Variants in VPS8 observed in about 807,000 individuals in gnomAD.
VPS8 encodes VPS8 subunit of CORVET complex, also known as vacuolar protein sorting-associated protein 8 homolog.
VPS8 carries 129 observed loss-of-function variants against 216.4 expected under a neutral mutation model. That is an observed-to-expected ratio of 0.60 (90% CI 0.52 to 0.69). The LOEUF is 0.69. Among genes scored for constraint, VPS8 ranks in the 30% least tolerant of loss-of-function variants. The pLI, the probability that VPS8 is intolerant of heterozygous loss-of-function variation, is 0.00. For missense variants in VPS8, 1,531 were observed against 1,683.5 expected (o/e 0.91, Z 1.59); for synonymous variants, 571 against 565.4 (o/e 1.01, Z -0.14).
intron 36 of VPS8, among the ~76,000 whole-genome samples, chr3:184,945,967 A>G (rs1008990139): frequency 6.6e-6 from 1 of 152,204 alleles, no homozygotes; most frequent in Non-Finnish European, 1.5e-5. Context: ...CCACAGGACC[A>G]CTTTAGTCAT....
chr3:184,944,685 C>A, intron 36 of VPS8: 1 of 669,980 alleles, frequency 1.5e-6, no homozygotes, highest in South Asian at 6.7e-5. Context: ...GCCTCTGAAA[C>A]ATATAGTATG....
chr3:184,866,854 T>G (rs777428529), intron 16 of VPS8, 22 bp from the exon 17 acceptor site: 1 of 1,601,332 alleles, frequency 6.2e-7, no homozygotes, highest in South Asian at 1.1e-5. Context: ...TTACCTTTTT[T>G]GTATGTATGT....
intron 3 of VPS8, among the ~76,000 whole-genome samples, chr3:184,828,595 T>C (rs890254872): frequency 2.6e-5 from 4 of 152,202 alleles, no homozygotes; most frequent in African/African-American, 7.2e-5. Context: ...ATAACCTTTT[T>C]CCCCTATTTC....
chr3:184,956,876 A>T (rs997198869), intron 36 of VPS8, among the ~76,000 whole-genome samples: 1 of 152,210 alleles, frequency 6.6e-6, no homozygotes, highest in Non-Finnish European at 1.5e-5. Flanking sequence ...AGCTTCAAAA[A>T]TTTACTACTG....
At chr3:184,921,989 G>C (rs1333247602) in intron 29 of VPS8, among the ~76,000 whole-genome samples, 4 of 152,072 alleles carry the variant, frequency 2.6e-5, no homozygotes, top group Non-Finnish European at 5.9e-5. Flanking sequence ...GTCCTGACTA[G>C]GTCTCTATAA....
In VPS8 at chr3:184,820,308, C is replaced by T. The variant is rs1252811631; in HGVS notation, c.-88-4237C>T. Among the ~76,000 whole-genome samples, 4 of 152,288 alleles carry T rather than the reference C, an allele frequency of 2.6e-5. No homozygotes were observed. The East Asian group carries it at 7.7e-4, about 29-fold the overall frequency. On this transcript the variant is annotated intron_variant, in intron 1 of 47. Coordinates refer to ENST00000625842, the MANE Select transcript of VPS8 (RefSeq NM_001009921.3). Reference sequence around the variant, plus strand: ...TTTCGCAGCTTCTAGAGGCTGCCTGCATCCTTGGCTCCTGAGCCCTGTTCT... The same window carrying T: ...TTTCGCAGCTTCTAGAGGCTGCCTGTATCCTTGGCTCCTGAGCCCTGTTCT...
chr3:185,051,867 C>T lies in VPS8; in HGVS notation c.4138-9C>T, dbSNP rs1031013909. ...CAAACCTTAGCTGATGTGTGTCCTT[C>T]CTTTGCAGCTGGCTCTCCTCACGGA... On this transcript the variant is annotated splice_polypyrimidine_tract_variant and intron_variant, in intron 47 of 47. Transcript: ENST00000625842. 8.2e-6 allele frequency: 13 copies of T among 1,590,050 alleles called. No homozygotes were observed. In the Admixed American group the frequency reaches 1.9e-4, roughly 23 times the overall value.
At chr3:184,879,380 C>T (rs1297293926) in intron 21 of VPS8, among the ~76,000 whole-genome samples, 1 of 151,818 alleles carries the variant, frequency 6.6e-6, no homozygotes, top group African/African-American at 2.4e-5. Flanking sequence ...ATTTTGGAGA[C>T]CCCAAATTCA....
chr3:184,982,093 T>C (rs901688614), intron 40 of VPS8, among the ~76,000 whole-genome samples: 2 of 152,150 alleles, frequency 1.3e-5, no homozygotes, highest in African/African-American at 2.4e-5. Flanking sequence ...TAACCTTTAC[T>C]CATTTTTCTT....
intron 22 of VPS8, among the ~76,000 whole-genome samples, chr3:184,889,971 A>C (rs1732041534): frequency 6.6e-6 from 1 of 152,170 alleles, no homozygotes; most frequent in Admixed American, 6.5e-5. Context: ...CAAGAATTCT[A>C]TGTTTAATTA....
chr3:184,828,616 A>G (rs1719325704), intron 3 of VPS8, among the ~76,000 whole-genome samples: 1 of 152,114 alleles, frequency 6.6e-6, no homozygotes, highest in Admixed American at 6.6e-5. Context: ...CTTCCATTGA[A>G]ACTGTTTTTT....
intron 21 of VPS8, among the ~76,000 whole-genome samples, chr3:184,877,995 T>A (rs1467382480): frequency 6.6e-6 from 1 of 152,244 alleles, no homozygotes; most frequent in Admixed American, 6.5e-5. Context: ...TTTGCTATGC[T>A]TAATATATGT....
intron 45 of VPS8, among the ~76,000 whole-genome samples, chr3:185,013,395 A>T (rs542728446): frequency 2.0e-5 from 3 of 152,356 alleles, no homozygotes; most frequent in African/African-American, 7.2e-5. Flanking sequence ...TACAAAGACA[A>T]CACAGATTAA....
chr3:184,856,389 A>T (rs1294340916), intron 14 of VPS8, among the ~76,000 whole-genome samples: 1 of 152,206 alleles, frequency 6.6e-6, no homozygotes, highest in Non-Finnish European at 1.5e-5. Context: ...TTTATGAAGG[A>T]TATACTGCAA....
chr3:185,051,297 A>G (rs6782830), intron 47 of VPS8, among the ~76,000 whole-genome samples: 79,497 of 151,676 alleles, frequency 0.52, 21,752 homozygotes, highest in African/African-American at 0.68. Flanking sequence ...GCTGGGAGCA[A>G]AGAGGACTCA....
chr3:184,901,002 C>T (rs1734386059), intron 25 of VPS8, 30 bp downstream of exon 25: 1 of 1,590,674 alleles, frequency 6.3e-7, no homozygotes, highest in South Asian at 1.2e-5. Flanking sequence ...TAATTTTTTG[C>T]TTTCCTGTAT....
chr3:185,022,780 A>G (rs1459821285), intron 45 of VPS8, among the ~76,000 whole-genome samples: 3 of 151,944 alleles, frequency 2.0e-5, no homozygotes, highest in Non-Finnish European at 4.4e-5. Flanking sequence ...TTGGTTGTTT[A>G]TTTTTATTTT....
intron 21 of VPS8, among the ~76,000 whole-genome samples, chr3:184,884,553 A>G (rs1730861991): frequency 6.6e-6 from 1 of 152,236 alleles, no homozygotes; most frequent in East Asian, 1.9e-4. Flanking sequence ...GGTGAGTATA[A>G]ATTTACCCCC....
At chr3:184,939,349 T>A (rs1193541380) in intron 35 of VPS8, among the ~76,000 whole-genome samples, 3 of 152,014 alleles carry the variant, frequency 2.0e-5, no homozygotes, top group Non-Finnish European at 4.4e-5. Context: ...TTAATCTTTT[T>A]CATCTTTAAG....
Sources: gnomAD v4.1 joint callset for allele counts (sites outside exome capture counted in the v4.1 genomes callset) on GRCh38, gnomAD v4.1.1 for gene constraint, MANE v1.5 for transcripts, NCBI Gene and HGNC (gene_info 2026-07-23, HGNC 2026-07-21) for gene names.